The following CILP2 variants were observed in gnomAD, a reference collection of about 807,000 sequenced individuals.
CILP2 encodes the protein CILP-2.
Under a neutral mutation model 45.6 loss-of-function variants are expected in CILP2, and 38 were observed. That is an observed-to-expected ratio of 0.83 (90% CI 0.64 to 1.09). CILP2 has a LOEUF of 1.09. CILP2 is among the 50% of genes least tolerant of loss of function. CILP2 has a pLI of 0.00. For synonymous variants in CILP2, 780 were observed against 723.5 expected, an observed-to-expected ratio of 1.08 and a Z score of -1.25; for missense variants, 1,735 against 1,662.2, an observed-to-expected ratio of 1.04 and a Z score of -0.76.
rs765048575 is a variant in CILP2, at chr19:19,540,472, A to T, written c.432A>T (p.Pro144=). ...ACTACCACGTGCGCTTCCGCTGCCC[A>T]CTAGGTGAGGGCGGGGCTGGATGAC... The part of the protein sequence containing the change: ...CSNYHVRFRC[P]LEASWGAWGP... The change falls in exon 3 of 8, where the codon CCA becomes CCT. Residue 144 remains proline (P), a synonymous_variant. Coordinates refer to ENST00000291495, the MANE Select transcript of CILP2 (RefSeq NM_153221.2). 6.1e-5 allele frequency: 85 copies of T among 1,393,358 alleles called. No individual in the cohort carries two copies. Among genetic ancestry groups the T allele is most frequent in the Non-Finnish European group, 7.6e-5 (82 of 1,073,394 alleles). 86.3% of individuals were successfully genotyped at this position (1,393,358 alleles called of 1,614,324 possible). A position where few individuals can be genotyped will look rare whatever the true frequency, so the allele number is the denominator to read the frequency against.
Position 19,545,312 on chromosome 19 carries a change from ACTGGCGATCTC to A in CILP2, c.2773_2783del (p.Asp925LeufsTer138), listed in dbSNP as rs1170804053. ...CCGAGAGGGCACACCTGCCTCCTGG[ACTGGCGATCTC>A]CTGGCCTGGTGGCCCAACCCGCAGG... is the stretch of plus-strand genomic sequence containing the variant. On this transcript the variant is annotated frameshift_variant, in exon 8 of 8. Transcript: ENST00000291495. LOFTEE classifies it low-confidence loss of function (END_TRUNC). 1 of 1,612,782 alleles carries A rather than the reference ACTGGCGATCTC, an allele frequency of 6.2e-7. No individual in the cohort carries two copies. The highest frequency in any genetic ancestry group is 8.5e-7 in the Non-Finnish European group (1 of 1,179,874).
rs2061238914 is a variant in CILP2, at chr19:19,540,334, G to T, written c.294G>T (p.Ala98=). 1 of 1,568,846 alleles carries T rather than the reference G, an allele frequency of 6.4e-7. No homozygotes were observed. Among genetic ancestry groups the T allele is most frequent in the Non-Finnish European group, 8.6e-7 (1 of 1,162,696 alleles). ...RVCPRPLALE[A]RTTDWALPSA... The stretch of plus-strand genomic sequence containing the variant: ...GCCCGCGACCGCTGGCGCTGGAAGC[G>T]CGCACCACGGACTGGGCCCTGCCGT... Residue 98 remains alanine, a synonymous_variant, in exon 3 of 8, where the codon GCG becomes GCT. Transcript: ENST00000291495.
Position 19,544,904 on chromosome 19 carries a change from G to T in CILP2, c.2359G>T (p.Gly787Cys). Residue 787 changes from glycine to cysteine, a missense_variant, in exon 8 of 8, where the codon GGC (glycine) becomes TGC (cysteine). Physicochemically the swap from Gly to Cys is radical, Grantham distance 159. Transcript: ENST00000291495. ...AWGRFDSAVT[G>C]PNGACLPAFC... The stretch of plus-strand genomic sequence containing the variant: ...GGGCCGCTTTGACAGCGCGGTCACC[G>T]GCCCCAATGGCGCCTGCCTCCCCGC... The T allele has an allele frequency of 6.3e-7, 1 of 1,587,962 alleles. No individual in the cohort carries two copies. Among genetic ancestry groups the T allele is most frequent in the Non-Finnish European group, 8.5e-7 (1 of 1,175,016 alleles).
intron 3 of CILP2, 49 bp downstream of exon 3, chr19:19,540,525 T>C: frequency 2.9e-6 from 1 of 350,150 alleles, no homozygotes. Context: ...TGGGCGGGGC[T>C]GGCGAACGCC....
chr19:19,540,762 C>T (rs974913015), intron 3 of CILP2: 13 of 456,648 alleles, frequency 2.8e-5, no homozygotes, highest in African/African-American at 1.8e-4. Context: ...CATCTCCCTC[C>T]CGCTGCCCTC....
rs755367974 is a variant in CILP2 at position 19,545,647 on chromosome 19, C to T, written c.3102C>T (p.His1034=). Residue 1034 remains histidine, a synonymous_variant, in exon 8 of 8, where the codon CAC becomes CAT. Coordinates refer to ENST00000291495, the MANE Select transcript of CILP2 (RefSeq NM_153221.2). ...NGLLRDYLTR[H]PPPVPAEDPA... The stretch of plus-strand genomic sequence containing the variant: ...TCCTTCGGGATTACCTGACCCGGCA[C>T]CCCCCACCGGTGCCCGCGGAGGACC... 2.5e-6 allele frequency: 4 copies of T among 1,607,704 alleles called. No homozygotes were observed. The African/African-American group carries it at 5.3e-5, about 21-fold the overall frequency.
Position 19,544,047 on chromosome 19 carries a change from G to T in CILP2, c.1502G>T (p.Gly501Val). The change falls in exon 8 of 8, where the codon GGC (glycine) becomes GTC (valine). Residue 501 changes from glycine (G) to valine (V), a missense_variant. Transcript: ENST00000291495. ...ATTCTGCTGGGCCAGGAGCCCATCG[G>T]CTTCACCGCCTACCAGGGCGACTTT... ...ARILLGQEPIGFTAYQGDFTI... is the reference protein window; with the variant it reads ...ARILLGQEPIVFTAYQGDFTI... 6.2e-7 allele frequency: 1 copy of T among 1,613,896 alleles called. No individual in the cohort carries two copies. The highest frequency in any genetic ancestry group is 8.5e-7 in the Non-Finnish European group (1 of 1,179,952).
rs374209865 is a variant in CILP2, at chr19:19,545,611, C to A, written c.3066C>A (p.Ala1022=). ...IMPQGSCRRV[A]VNGLLRDYLT... ...CCCAGGGCAGCTGCCGGCGCGTGGC[C>A]GTCAACGGACTCCTTCGGGATTACC... The change falls in exon 8 of 8, where the codon GCC becomes GCA. Residue 1022 remains alanine (A), a synonymous_variant. Coordinates refer to ENST00000291495, the MANE Select transcript of CILP2 (RefSeq NM_153221.2). 1 of 1,608,170 alleles carries A rather than the reference C, an allele frequency of 6.2e-7. No homozygotes were observed. The highest frequency in any genetic ancestry group is 1.3e-5 in the African/African-American group (1 of 74,858).
Position 19,544,794 on chromosome 19 carries a change from C to T in CILP2, c.2249C>T (p.Thr750Ile), listed in dbSNP as rs1024153322. The T allele has an allele frequency of 1.9e-6, 3 of 1,605,700 alleles. No homozygotes were observed. The African/African-American group carries it at 4.0e-5, about 21-fold the overall frequency. The change falls in exon 8 of 8, where the codon ACC (threonine) becomes ATC (isoleucine). Residue 750 changes from threonine (T) to isoleucine (I), a missense_variant. Coordinates refer to ENST00000291495, the MANE Select transcript of CILP2 (RefSeq NM_153221.2). The stretch of plus-strand genomic sequence containing the variant: ...CGCGCCTACGCCAACGACAAGTTCA[C>T]CCCCAGCGAGCAGGTGGAGGGCGTG... ...KVRAYANDKF[T>I]PSEQVEGVVV...
At chr19:19,539,132 G>A (rs1568368412) in intron 1 of CILP2, among the ~76,000 whole-genome samples, 1 of 152,214 alleles carries the variant, frequency 6.6e-6, no homozygotes, top group African/African-American at 2.4e-5. Context: ...GGGGGTTAGG[G>A]CTAGGTCAGA....
intron 4 of CILP2, among the ~76,000 whole-genome samples, chr19:19,541,553 G>A (rs1035860802): frequency 2.0e-5 from 3 of 152,206 alleles, no homozygotes; most frequent in Admixed American, 2.0e-4. Flanking sequence ...ATCTGGACAG[G>A]TGGATGCCAG....
rs139472405 is a variant in CILP2, at chr19:19,543,270, G to T, written c.1000G>T (p.Asp334Tyr). 1 of 1,613,452 alleles carries T rather than the reference G, an allele frequency of 6.2e-7. No homozygotes were observed. The highest frequency in any genetic ancestry group is 8.5e-7 in the Non-Finnish European group (1 of 1,179,996). The change falls in exon 7 of 8, where the codon GAC (aspartate) becomes TAC (tyrosine). Residue 334 changes from aspartate (D) to tyrosine (Y), a missense_variant. Transcript: ENST00000291495. Reference sequence around the variant, plus strand: ...CAGGTTCCACAATGGGACCCTGCTGGACAGGCGAGCTCATGGGTACGGGGC... The same window carrying T: ...CAGGTTCCACAATGGGACCCTGCTGTACAGGCGAGCTCATGGGTACGGGGC... ...YSWFHNGTLL[D>Y]RRAHGYGAHL...
In CILP2 at chr19:19,542,438, C is replaced by T. The variant is rs1176780977; in HGVS notation, c.656C>T (p.Ser219Phe). ...CTCCTGGGCTCGGTGGTCACCCCAT[C>T]TGGGCAACCACTGCTAGGAGCCAGG... ...HILLGSVVTPSGQPLLGARVS... is the reference protein window; with the variant it reads ...HILLGSVVTPFGQPLLGARVS... Residue 219 changes from serine to phenylalanine, a missense_variant, in exon 5 of 8, where the codon TCT (serine) becomes TTT (phenylalanine). Transcript: ENST00000291495. The T allele has an allele frequency of 6.2e-7, 1 of 1,612,518 alleles. No homozygotes were observed. The highest frequency in any genetic ancestry group is 1.7e-5 in the Admixed American group (1 of 60,020).
intron 2 of CILP2, among the ~76,000 whole-genome samples, 166 bp downstream of exon 2, chr19:19,539,943 T>C (rs1022185065): frequency 1.3e-5 from 2 of 151,942 alleles, no homozygotes; most frequent in Non-Finnish European, 2.9e-5. Flanking sequence ...AAGTTCAAGA[T>C]CTAAGTGAGA....
At chr19:19,542,302 A>T in intron 4 of CILP2, 73 bp from the exon 5 acceptor site, 1 of 1,517,120 alleles carries the variant, frequency 6.6e-7, no homozygotes, top group Non-Finnish European at 8.8e-7. Context: ...TGAGTGACTG[A>T]TTGAATGGAA....
intron 7 of CILP2, 33 bp from the exon 8 acceptor site, chr19:19,543,648 C>A: frequency 1.3e-6 from 2 of 1,562,144 alleles, no homozygotes; most frequent in African/African-American, 2.7e-5. Context: ...GTCCTCCTCC[C>A]TGCCCTGACC....
At position 19,545,994 on chromosome 19, in the gene CILP2, G is replaced by T; in HGVS notation, c.3449G>T (p.Arg1150Leu). 1 of 1,499,576 alleles carries T rather than the reference G, an allele frequency of 6.7e-7. No homozygotes were observed. The allele number at this position is 1,499,576 out of a possible 1,614,324, so 92.9% of individuals were successfully genotyped here. The part of the protein sequence containing the change: ...QARASGPLRT[R>L]RGRVRQ The stretch of plus-strand genomic sequence containing the variant: ...CGGGCCTCAGGTCCCCTCCGCACCC[G>T]CCGGGGTAGGGTCCGGCAGTGACCT... Residue 1150 changes from arginine (R) to leucine (L), a missense_variant, in exon 8 of 8, where the codon CGC becomes CTC. Arg to Leu is a moderately radical substitution (Grantham distance 102). Transcript: ENST00000291495.
chr19:19,543,592 GGAGTCCTTGACTGCAGA>G (rs1187077092), intron 7 of CILP2, 72 bp from the exon 8 acceptor site: 1 of 1,412,042 alleles, frequency 7.1e-7, no homozygotes, highest in African/African-American at 1.4e-5. Context: ...TCCCTTAGGT[GGAGTCCTTGACTGCAGA>G]CAGAGTCCCC....
rs1356729426 is a variant in CILP2, at chr19:19,543,961, G to C, written c.1416G>C (p.Arg472=). ...ECGCQKCLPP[R]GLVRGRVVAA... is the part of the protein sequence containing the mutation. Reference sequence around the variant, plus strand: ...GCTGCCAGAAGTGTCTGCCCCCTCGGGGGCTGGTCCGGGGCCGTGTTGTGG... The same window carrying C: ...GCTGCCAGAAGTGTCTGCCCCCTCGCGGGCTGGTCCGGGGCCGTGTTGTGG... Residue 472 remains arginine (R), a synonymous_variant, in exon 8 of 8, where the codon CGG becomes CGC. Transcript: ENST00000291495. 3.1e-6 allele frequency: 5 copies of C among 1,613,530 alleles called. No individual in the cohort carries two copies. The highest frequency in any genetic ancestry group is 4.2e-6 in the Non-Finnish European group (5 of 1,179,722).
Sources: gnomAD v4.1 joint callset for allele counts (sites outside exome capture counted in the v4.1 genomes callset) on GRCh38, gnomAD v4.1.1 for gene constraint, MANE v1.5 for transcripts, NCBI Gene and HGNC (gene_info 2026-07-23, HGNC 2026-07-21) for gene names.